Variants in TPRG1 observed in about 807,000 individuals in gnomAD.
TPRG1 encodes tumor protein p63 regulated 1.
TPRG1 carries 29 observed loss-of-function variants against 29.3 expected under a neutral mutation model. The observed-to-expected ratio is 0.99, with a 90% CI of 0.74 to 1.35. The LOEUF is 1.35. Among genes scored for constraint, TPRG1 ranks in the 40% most tolerant of loss-of-function variants. The pLI is 0.00. For synonymous variants in TPRG1, 130 were observed against 116.8 expected (o/e 1.11, Z -0.73); for missense variants, 327 against 335.0 (o/e 0.98, Z 0.19).
chr3:189,234,970 C>T (rs1739228854), intron 3 of TPRG1, among the ~76,000 whole-genome samples: 1 of 152,086 alleles, frequency 6.6e-6, no homozygotes, highest in Non-Finnish European at 1.5e-5. Context: ...TCATGAACAA[C>T]ATTGCCAGCA....
intron 4 of TPRG1, among the ~76,000 whole-genome samples, chr3:189,056,241 A>C (rs1387009853): frequency 6.6e-6 from 1 of 152,052 alleles, no homozygotes; most frequent in Non-Finnish European, 1.5e-5. Flanking sequence ...GATTACAGGC[A>C]CATGCCATCA....
intron 4 of TPRG1, among the ~76,000 whole-genome samples, chr3:189,304,904 C>T (rs1471917807): frequency 2.0e-5 from 3 of 152,148 alleles, no homozygotes; most frequent in Admixed American, 6.5e-5. Context: ...CACAGCCTCC[C>T]TCTGTTTGCT....
At chr3:189,044,690 C>T (rs990164898) in intron 4 of TPRG1, among the ~76,000 whole-genome samples, 2 of 152,016 alleles carry the variant, frequency 1.3e-5, no homozygotes, top group Admixed American at 1.3e-4. Flanking sequence ...TGATGTACAG[C>T]AAAGAGCAAT....
At chr3:189,311,222 G>A (rs545009326) in intron 5 of TPRG1, among the ~76,000 whole-genome samples, 5 of 152,192 alleles carry the variant, frequency 3.3e-5, no homozygotes, top group Non-Finnish European at 5.9e-5. Flanking sequence ...TGAAAATGTA[G>A]TGAAAGATCA....
chr3:189,129,575 T>C (rs972020879), intron 2 of TPRG1, among the ~76,000 whole-genome samples: 1 of 152,230 alleles, frequency 6.6e-6, no homozygotes, highest in Non-Finnish European at 1.5e-5. Context: ...CATTAACTAA[T>C]TTTAGCCTCT....
intron 1 of TPRG1, among the ~76,000 whole-genome samples, chr3:189,191,511 G>A (rs538460912): frequency 6.6e-6 from 1 of 152,294 alleles, no homozygotes; most frequent in East Asian, 1.9e-4. Flanking sequence ...AGAACAGGCT[G>A]AATTCTAGGT....
chr3:189,198,065 C>T (rs1324204345), intron 1 of TPRG1, among the ~76,000 whole-genome samples: 2 of 152,160 alleles, frequency 1.3e-5, no homozygotes, highest in African/African-American at 4.8e-5. Flanking sequence ...TCAGATTCTC[C>T]TCCCATTGCA....
chr3:189,017,776 C>G (rs1479666877), intron 3 of TPRG1, among the ~76,000 whole-genome samples: 1 of 152,140 alleles, frequency 6.6e-6, no homozygotes, highest in Non-Finnish European at 1.5e-5. Flanking sequence ...AATGGTATTT[C>G]TAGTTCTAGA....
At chr3:189,300,774 A>C (rs181820221) in intron 4 of TPRG1, among the ~76,000 whole-genome samples, 1 of 152,302 alleles carries the variant, frequency 6.6e-6, no homozygotes, top group African/African-American at 2.4e-5. Context: ...CAGCAATGCC[A>C]ATAAATGTCC....
chr3:189,129,202 C>A (rs1225917117), intron 2 of TPRG1, among the ~76,000 whole-genome samples: 1 of 152,172 alleles, frequency 6.6e-6, no homozygotes, highest in Non-Finnish European at 1.5e-5. Flanking sequence ...AGGTCTCCTG[C>A]CATCTGTGAC....
intron 5 of TPRG1, chr3:189,150,968 T>A (rs1386599638): frequency 3.9e-5 from 6 of 152,214 alleles, no homozygotes; most frequent in Non-Finnish European, 8.8e-5. Context: ...GACATCAGTG[T>A]TCCCATCTGT....
Position 189,117,956 on chromosome 3 carries a change from A to G in TPRG1, c.-743-9101A>G, listed in dbSNP as rs139912375. Among the ~76,000 whole-genome samples the G allele has an allele frequency of 6.2e-4, 94 of 152,298 alleles. 1 individual carries two copies. The highest frequency in any genetic ancestry group is 1.1e-3 in the Non-Finnish European group (72 of 68,026). On this transcript the variant is annotated intron_variant, in intron 1 of 6. Coordinates refer to the TPRG1 transcript ENST00000412373. ...CTGTAAAGATACCCGAAAACGTGGA[A>G]GTGACTTTGGAAGTGGGTAACAGGC...
chr3:189,116,172 ATAT>A (rs908159489), intron 1 of TPRG1, among the ~76,000 whole-genome samples: 4 of 151,884 alleles, frequency 2.6e-5, no homozygotes, highest in African/African-American at 4.8e-5. Context: ...GGTCTCGAAG[ATAT>A]TATTATTATT....
rs535128790 is a variant in TPRG1 at position 189,011,147 on chromosome 3, A to G, written c.-660+6387A>G. Among the ~76,000 whole-genome samples, 3 of 152,126 alleles carry G rather than the reference A, an allele frequency of 2.0e-5. No homozygotes were observed. In the South Asian group the frequency reaches 6.2e-4, roughly 32 times the overall value. On this transcript the variant is annotated intron_variant, in intron 3 of 10. Coordinates refer to the TPRG1 transcript ENST00000433971. Reference sequence around the variant, plus strand: ...TATGTCTGTTGTTGTCCAGTACCACATTGTTTTGGTTACTGTAGCCTTGTA... The same window carrying G: ...TATGTCTGTTGTTGTCCAGTACCACGTTGTTTTGGTTACTGTAGCCTTGTA...
At chr3:189,282,461 T>A (rs1323430113) in intron 4 of TPRG1, among the ~76,000 whole-genome samples, 1 of 152,106 alleles carries the variant, frequency 6.6e-6, no homozygotes, top group Non-Finnish European at 1.5e-5. Context: ...AAACGTGTAT[T>A]TTGTGCCTCA....
At chr3:189,223,770 T>C (rs1318548575) in intron 3 of TPRG1, among the ~76,000 whole-genome samples, 1 of 152,222 alleles carries the variant, frequency 6.6e-6, no homozygotes, top group East Asian at 1.9e-4. Context: ...CTTAAGAGCG[T>C]TATTTCAATG....
At chr3:189,207,243 C>T in intron 1 of TPRG1, 133 bp from the exon 2 acceptor site, 1 of 1,423,852 alleles carries the variant, frequency 7.0e-7, no homozygotes, top group Non-Finnish European at 9.3e-7. Context: ...ACCAATGCCT[C>T]TGTTTAGTTA....
At chr3:189,217,276 C>G (rs998718028) in intron 3 of TPRG1, among the ~76,000 whole-genome samples, 2 of 152,120 alleles carry the variant, frequency 1.3e-5, no homozygotes, top group Non-Finnish European at 2.9e-5. Flanking sequence ...CCCCAAAGAG[C>G]CAAACTTTGA....
chr3:189,156,655 C>G (rs1726727556), intron 5 of TPRG1, among the ~76,000 whole-genome samples: 1 of 152,104 alleles, frequency 6.6e-6, no homozygotes, highest in South Asian at 2.1e-4. Context: ...GGAGATGCAC[C>G]AGCTTAGCTG....
Sources: allele counts gnomAD v4.1 joint callset (sites outside exome capture counted in the v4.1 genomes callset), GRCh38; gene constraint gnomAD v4.1.1; transcripts MANE v1.5; gene names NCBI Gene and HGNC (gene_info 2026-07-23, HGNC 2026-07-21).